The following SDHAF2 variants were observed in gnomAD, a reference collection of about 807,000 sequenced individuals.
SDHAF2 encodes succinate dehydrogenase complex assembly factor 2.
A neutral mutation model predicts 18.5 loss-of-function variants in SDHAF2; 21 were observed. That is an observed-to-expected ratio of 1.13 (90% confidence interval 0.80 to 1.63). The LOEUF is 1.63. SDHAF2 is among the 40% of genes most tolerant of loss of function. The pLI is 0.00. For missense variants in SDHAF2, 195 were observed against 200.3 expected (o/e 0.97, Z 0.16); for synonymous variants, 84 against 70.7 (o/e 1.19, Z -0.94).
Position 61,437,508 on chromosome 11 carries a change from G to A in SDHAF2, c.37-117G>A, listed in dbSNP as rs956063871. On this transcript the variant is annotated intron_variant, in intron 1 of 3. Coordinates refer to ENST00000301761, the MANE Select transcript of SDHAF2 (RefSeq NM_017841.4). ...TGCGCCACCACGCCTGGCCAGCAGT[G>A]TAATTTCCTCATGACTAAATGTGAT... 3.1e-6 allele frequency: 3 copies of A among 958,252 alleles called. No homozygotes were observed. In the South Asian group the frequency reaches 3.9e-5, roughly 12 times the overall value. The allele number at this position is 958,252 out of a possible 1,614,324, so 59.4% of individuals were successfully genotyped here.
intron 1 of SDHAF2, chr11:61,435,444 CTT>C (rs1214409201): frequency 2.0e-5 from 3 of 152,134 alleles, no homozygotes; most frequent in Non-Finnish European, 4.4e-5. Context: ...ATGTTTTCCT[CTT>C]TATTCATGTG....
intron 3 of SDHAF2, among the ~76,000 whole-genome samples, chr11:61,439,443 A>G (rs986301964): frequency 6.6e-6 from 1 of 152,234 alleles, no homozygotes; most frequent in Admixed American, 6.5e-5. Flanking sequence ...ACGTCTAACC[A>G]TAAGGAAAAA....
At chr11:61,438,690 G>C (rs1862027665) in intron 3 of SDHAF2, among the ~76,000 whole-genome samples, 1 of 152,188 alleles carries the variant, frequency 6.6e-6, no homozygotes, top group African/African-American at 2.4e-5. Context: ...GGTTGAAGAA[G>C]AACCACTCTG....
At chr11:61,441,140 A>ATTGAATG (rs1862060625) in intron 3 of SDHAF2, among the ~76,000 whole-genome samples, 5 of 152,232 alleles carry the variant, frequency 3.3e-5, no homozygotes, top group Admixed American at 3.3e-4. Context: ...ACCTATGATC[A>ATTGAATG]CGCCACTGCA....
chr11:61,437,861 G>A lies in SDHAF2; in HGVS notation c.260+13G>A, dbSNP rs1386935942. ...GCATTCTTCTTAGGTATGGGACTAG[G>A]AGTCTTTTTTTTTAAATCGGGCAGC... On this transcript the variant is annotated intron_variant, in intron 2 of 3. Coordinates refer to ENST00000301761, the MANE Select transcript of SDHAF2 (RefSeq NM_017841.4). 1 of 1,610,204 alleles carries A rather than the reference G, an allele frequency of 6.2e-7. No homozygotes were observed. Among genetic ancestry groups the A allele is most frequent in the Non-Finnish European group, 8.5e-7 (1 of 1,177,642 alleles).
chr11:61,437,205 T>C (rs1862004012), intron 1 of SDHAF2, among the ~76,000 whole-genome samples: 1 of 152,116 alleles, frequency 6.6e-6, no homozygotes, highest in Non-Finnish European at 1.5e-5. Flanking sequence ...TCTTTTCTTT[T>C]TTCAGGGGGA....
At chr11:61,433,221 G>T (rs929172339) in intron 1 of SDHAF2, 1 of 152,032 alleles carries the variant, frequency 6.6e-6, no homozygotes, top group African/African-American at 2.4e-5. Context: ...TGTATTTTTA[G>T]TAGAGATGGG....
chr11:61,430,325 C>A (rs563272959), intron 1 of SDHAF2, 143 bp downstream of exon 1: 2 of 972,300 alleles, frequency 2.1e-6, no homozygotes, highest in South Asian at 2.7e-5. Flanking sequence ...GCCGATCCTG[C>A]AACTCAGGAA....
In SDHAF2 at chr11:61,437,865, C is replaced by CT. The variant is rs768896122; in HGVS notation, c.260+26dup. ...TCTTCTTAGGTATGGGACTAGGAGT[C>CT]TTTTTTTTTAAATCGGGCAGCTTCC... On this transcript the variant is annotated intron_variant, in intron 2 of 3. Transcript: ENST00000301761. 384 of 1,597,790 alleles carry CT rather than the reference C, an allele frequency of 2.4e-4. No homozygotes were observed. In the African/African-American group the frequency reaches 2.4e-3, roughly 10 times the overall value.
intron 1 of SDHAF2, chr11:61,432,471 T>A (rs1036341991): frequency 3.9e-5 from 6 of 152,244 alleles, no homozygotes; most frequent in Non-Finnish European, 8.8e-5. Flanking sequence ...ATATGCTTGT[T>A]ATACTATATC....
intron 3 of SDHAF2, among the ~76,000 whole-genome samples, chr11:61,441,280 C>T (rs542743552): frequency 5.1e-4 from 77 of 152,154 alleles, no homozygotes; most frequent in African/African-American, 1.8e-3. Flanking sequence ...CGCCTGTAAT[C>T]CCAGCACTTT....
At chr11:61,441,176 C>CAATCTCTAA (rs1386131901) in intron 3 of SDHAF2, among the ~76,000 whole-genome samples, 2 of 152,126 alleles carry the variant, frequency 1.3e-5, no homozygotes, top group Non-Finnish European at 2.9e-5. Flanking sequence ...GAGTGAGACC[C>CAATCTCTAA]AATCTCTAAA....
chr11:61,431,410 A>C (rs1861907447), intron 1 of SDHAF2: 1 of 151,934 alleles, frequency 6.6e-6, no homozygotes, highest in Admixed American at 6.6e-5. Flanking sequence ...GCCTCAAGTG[A>C]TCCTCCTGCC....
At chr11:61,440,212 A>G (rs553073832) in intron 3 of SDHAF2, among the ~76,000 whole-genome samples, 12 of 152,136 alleles carry the variant, frequency 7.9e-5, no homozygotes, top group South Asian at 2.1e-4. Context: ...GGCTGAGGCA[A>G]GAGAATCTCT....
chr11:61,431,175 C>T (rs374756211), intron 1 of SDHAF2: 8 of 152,362 alleles, frequency 5.3e-5, no homozygotes, highest in South Asian at 4.1e-4. Context: ...CAGGCATCGC[C>T]ATCATGCCTG....
intron 1 of SDHAF2, chr11:61,434,591 C>CTTTTTTTTTT (rs549764688): frequency 1.7e-5 from 2 of 118,998 alleles, no homozygotes; most frequent in African/African-American, 7.5e-5. Flanking sequence ...CTTCTCATTC[C>CTTTTTTTTTT]TTTTTTTTTT....
chr11:61,438,189 A>AC, intron 3 of SDHAF2, 76 bp downstream of exon 3: 1 of 1,126,326 alleles, frequency 8.9e-7, no homozygotes, highest in Non-Finnish European at 1.3e-6. Context: ...TGTATCCTAG[A>AC]TAATTTTTTT....
chr11:61,446,565 A>G lies in SDHAF2; in HGVS notation c.*494A>G, dbSNP rs1862141393. On this transcript the variant is annotated 3_prime_UTR_variant, in exon 4 of 4. Coordinates refer to ENST00000301761, the MANE Select transcript of SDHAF2 (RefSeq NM_017841.4). The stretch of plus-strand genomic sequence containing the variant: ...CCTTCTGCGAAGGGAAGCTGATCCC[A>G]GCCTCCTGAGCTGAATCCTTCAAAG... The G allele has an allele frequency of 2.2e-6, 1 of 457,804 alleles. No individual in the cohort carries two copies. Among genetic ancestry groups the G allele is most frequent in the African/African-American group, 2.0e-5 (1 of 50,804 alleles). 28.4% of individuals were successfully genotyped at this position (457,804 alleles called of 1,614,324 possible). A position where few individuals can be genotyped will look rare whatever the true frequency, so the allele number is the denominator to read the frequency against.
intron 3 of SDHAF2, among the ~76,000 whole-genome samples, chr11:61,441,117 A>C (rs1199657419): frequency 6.6e-6 from 1 of 152,116 alleles, no homozygotes; most frequent in Non-Finnish European, 1.5e-5. Flanking sequence ...CCAGGAGTTC[A>C]GAGACTGCAA....
Sources: allele counts gnomAD v4.1 joint callset (sites outside exome capture counted in the v4.1 genomes callset), GRCh38; gene constraint gnomAD v4.1.1; transcripts MANE v1.5; gene names NCBI Gene and HGNC (gene_info 2026-07-23, HGNC 2026-07-21).